RABGEF1: variants seen among roughly 807,000 people sequenced by gnomAD.
The protein encoded by RABGEF1 is rab5 GDP/GTP exchange factor.
RABGEF1 carries 26 observed loss-of-function variants against 57.3 expected under a neutral mutation model. The ratio of observed to expected loss-of-function variants is 0.45; its 90% CI spans 0.33 to 0.63. The LOEUF (loss-of-function observed/expected upper bound fraction) is 0.63, where lower values mean the gene tolerates loss of function less well. Among genes scored for constraint, RABGEF1 ranks in the 20% least tolerant of loss-of-function variants. The pLI is 0.02. For missense variants in RABGEF1, 464 were observed against 607.6 expected, an observed-to-expected ratio of 0.76 and a Z score of 2.48; for synonymous variants, 185 against 210.7, an observed-to-expected ratio of 0.88 and a Z score of 1.06.
intron 2 of RABGEF1, among the ~76,000 whole-genome samples, chr7:66,734,017 C>CA (rs200131535): frequency 1.4e-4 from 21 of 151,954 alleles, no homozygotes; most frequent in African/African-American, 4.3e-4. Context: ...AAACAAAAAA[C>CA]AAAAAAAACC....
chr7:66,672,952 A>G, the RABGEF1 span, among the ~76,000 whole-genome samples: 1 of 149,118 alleles, frequency 6.7e-6, no homozygotes. Flanking sequence ...TGCCGGCCCC[A>G]GCTAGCAGCT....
At chr7:66,789,692 A>C in intron 4 of RABGEF1, among the ~76,000 whole-genome samples, 1 of 150,936 alleles carries the variant, frequency 6.6e-6, no homozygotes, top group Non-Finnish European at 1.5e-5. Context: ...CAAAAAAAAA[A>C]AAAAAAAAAA....
chr7:66,785,582 A>G (rs1438586468), intron 4 of RABGEF1, among the ~76,000 whole-genome samples: 1 of 152,238 alleles, frequency 6.6e-6, no homozygotes, highest in Non-Finnish European at 1.5e-5. Flanking sequence ...GTAGTATAAA[A>G]TAGCCTTTGT....
chr7:66,685,793 G>A (rs889698945), intron 1 of RABGEF1, among the ~76,000 whole-genome samples: 1 of 152,142 alleles, frequency 6.6e-6, no homozygotes, highest in African/African-American at 2.4e-5. Context: ...TCAGTCTCTG[G>A]CTAGAGACAT....
upstream of RABGEF1, chr7:66,740,595 A>T (rs1110414): frequency 2.0e-5 from 3 of 152,362 alleles, no homozygotes; most frequent in Admixed American, 6.5e-5. Flanking sequence ...CTTTGGATCC[A>T]CTCGCACTTC....
At chr7:66,713,994 A>G (rs751676889) in intron 2 of RABGEF1, among the ~76,000 whole-genome samples, 4 of 152,088 alleles carry the variant, frequency 2.6e-5, no homozygotes, top group Non-Finnish European at 5.9e-5. Flanking sequence ...TTTTTGGTCT[A>G]TGTTCATAGA....
chr7:66,756,150 C>A, intron 1 of RABGEF1: 5 of 953,172 alleles, frequency 5.2e-6, no homozygotes, highest in South Asian at 4.1e-5. Flanking sequence ...GAAAAATGAG[C>A]AAAATCAGTT....
intron 1 of RABGEF1, 110 bp from the exon 2 acceptor site, chr7:66,771,773 C>G: frequency 1.4e-6 from 1 of 721,272 alleles, no homozygotes; most frequent in Non-Finnish European, 2.0e-6. Context: ...CTCCATCCCT[C>G]TCTTAACAGC....
At chr7:66,654,941 G>A in the RABGEF1 span, among the ~76,000 whole-genome samples, 30 of 152,362 alleles carry the variant, frequency 2.0e-4, no homozygotes, top group Middle Eastern at 0.014. Flanking sequence ...TTTCCCGGCC[G>A]CCTCCCTCTT....
chr7:66,720,508 TA>T (rs34361821), intron 2 of RABGEF1, among the ~76,000 whole-genome samples: 35,134 of 142,052 alleles, frequency 0.25, 4,228 homozygotes, highest in East Asian at 0.32. Flanking sequence ...CACTGATAAT[TA>T]AAAAAAAAAA....
At chr7:66,708,172 A>G (rs934229313) in intron 1 of RABGEF1, among the ~76,000 whole-genome samples, 3 of 151,876 alleles carry the variant, frequency 2.0e-5, no homozygotes, top group Non-Finnish European at 4.4e-5. Context: ...TCTCTAGTAC[A>G]CCATTTTAAT....
At chr7:66,712,686 G>A (rs376096738) in intron 2 of RABGEF1, among the ~76,000 whole-genome samples, 1 of 152,262 alleles carries the variant, frequency 6.6e-6, no homozygotes, top group East Asian at 1.9e-4. Flanking sequence ...TACCCAGATT[G>A]GATCTTGAAT....
At chr7:66,786,058 A>G (rs1328402618) in intron 4 of RABGEF1, among the ~76,000 whole-genome samples, 1 of 152,132 alleles carries the variant, frequency 6.6e-6, no homozygotes, top group East Asian at 1.9e-4. Context: ...AATTGTTCCT[A>G]CTGCATCCCA....
intron 1 of RABGEF1, among the ~76,000 whole-genome samples, chr7:66,755,318 C>T (rs902253069): frequency 1.3e-5 from 2 of 151,100 alleles, no homozygotes; most frequent in Non-Finnish European, 3.0e-5. Context: ...AAACAAAAAA[C>T]AAAAAATTTA....
intron 1 of RABGEF1, among the ~76,000 whole-genome samples, chr7:66,767,251 C>A (rs1226348567): frequency 6.6e-6 from 1 of 151,850 alleles, no homozygotes; most frequent in Non-Finnish European, 1.5e-5. Flanking sequence ...GATCCACCCG[C>A]CTCAGCCTCC....
At chr7:66,676,735 T>C in the RABGEF1 span, among the ~76,000 whole-genome samples, 41 of 152,268 alleles carry the variant, frequency 2.7e-4, no homozygotes, top group African/African-American at 9.9e-4. Flanking sequence ...AGCTCCACCA[T>C]GCCCAGCTAA....
intron 1 of RABGEF1, among the ~76,000 whole-genome samples, chr7:66,699,506 C>T (rs60319566): frequency 0.065 from 9,933 of 152,184 alleles, 1,065 homozygotes; most frequent in African/African-American, 0.22. Flanking sequence ...GCCTGGCCAA[C>T]GTGGTGAAAC....
At chr7:66,737,521 G>A (rs1052379713), upstream of RABGEF1, among the ~76,000 whole-genome samples, 11 of 152,066 alleles carry the variant, frequency 7.2e-5, no homozygotes, top group African/African-American at 2.4e-4. Context: ...TGGGAAGGAG[G>A]CATGGTGTGT....
chr7:66,697,809 A>C (rs1441551139), intron 1 of RABGEF1, among the ~76,000 whole-genome samples: 1 of 152,112 alleles, frequency 6.6e-6, no homozygotes, highest in East Asian at 1.9e-4. Flanking sequence ...GGGACTCAGC[A>C]GAACTGCGGT....
Sources: gnomAD v4.1 joint callset for allele counts (sites outside exome capture counted in the v4.1 genomes callset) on GRCh38, gnomAD v4.1.1 for gene constraint, MANE v1.5 for transcripts, NCBI Gene and HGNC (gene_info 2026-07-23, HGNC 2026-07-21) for gene names.